Variants in NOS1AP observed in about 807,000 individuals in gnomAD.
NOS1AP encodes nitric oxide synthase 1 adaptor protein.
A neutral mutation model predicts 56.2 loss-of-function variants in NOS1AP; 21 were observed. That is an observed-to-expected ratio of 0.37 (90% confidence interval 0.26 to 0.54). The LOEUF (loss-of-function observed/expected upper bound fraction) is 0.54. Among genes scored for constraint, NOS1AP ranks in the 20% least tolerant of loss-of-function variants. The pLI is 0.84. For synonymous variants in NOS1AP, 270 were observed against 274.6 expected (o/e 0.98, Z 0.17); for missense variants, 522 against 657.8 (o/e 0.79, Z 2.26).
chr1:162,173,718 G>GA lies in NOS1AP; in HGVS notation c.177+19249dup, dbSNP rs554554240. ...ACAATGAACTCAAACAGATTTACAA[G>GA]AAAAAAACAAACAACCCCATCAACA... On this transcript the variant is annotated intron_variant, in intron 2 of 9. Coordinates refer to ENST00000361897, the MANE Select transcript of NOS1AP (RefSeq NM_014697.3). Among the ~76,000 whole-genome samples, 715 of 152,066 alleles carry GA rather than the reference G, an allele frequency of 4.7e-3. 8 individuals carry two copies. The highest frequency in any genetic ancestry group is 0.016 in the African/African-American group (671 of 41,486).
At chr1:162,086,376 G>T (rs1692003234) in intron 1 of NOS1AP, among the ~76,000 whole-genome samples, 1 of 152,078 alleles carries the variant, frequency 6.6e-6, no homozygotes, top group Admixed American at 6.5e-5. Context: ...GTGTTTCCAG[G>T]CTTTTGTTAA....
intron 2 of NOS1AP, among the ~76,000 whole-genome samples, chr1:162,277,656 T>C (rs1348873352): frequency 6.6e-6 from 1 of 152,200 alleles, no homozygotes; most frequent in Non-Finnish European, 1.5e-5. Flanking sequence ...CAGTCCCACA[T>C]GAATGGCTGT....
At chr1:162,243,042 C>G (rs1261223122) in intron 2 of NOS1AP, among the ~76,000 whole-genome samples, 1 of 152,122 alleles carries the variant, frequency 6.6e-6, no homozygotes, top group African/African-American at 2.4e-5. Flanking sequence ...CCTGATTAAA[C>G]AAGGAGTTAT....
In NOS1AP at chr1:162,369,703, G is replaced by A. The variant is rs1647318986; in HGVS notation, c.*2236G>A. On this transcript the variant is annotated 3_prime_UTR_variant, in exon 10 of 10. Transcript: ENST00000361897. ...GGACCCATCCAAGACTCCTGCCCTT[G>A]GGGTGTTCCATGGTGGTTTCTTCCT... is the stretch of plus-strand genomic sequence containing the variant. 6.6e-6 allele frequency: 1 copy of A among 152,314 alleles called. No homozygotes were observed. The highest frequency in any genetic ancestry group is 2.4e-5 in the African/African-American group (1 of 41,456). 9.4% of individuals were successfully genotyped at this position (152,314 alleles called of 1,614,324 possible).
intron 2 of NOS1AP, among the ~76,000 whole-genome samples, chr1:162,269,118 T>C (rs1654511208): frequency 6.6e-6 from 1 of 152,196 alleles, no homozygotes; most frequent in South Asian, 2.1e-4. Context: ...AGCTGTGCTA[T>C]TGCATTTCTT....
Position 162,240,885 on chromosome 1 carries a change from G to C in NOS1AP, c.178-46459G>C, listed in dbSNP as rs568036804. On this transcript the variant is annotated intron_variant, in intron 2 of 9. Transcript: ENST00000361897. ...TGATGGCGGGATACAGACGTGTCAA[G>C]GGATGGTCACAGTGGAGTAGGATAA... Among the ~76,000 whole-genome samples the C allele has an allele frequency of 3.9e-5, 6 of 152,330 alleles. No individual in the cohort carries two copies. The South Asian group carries it at 1.2e-3, about 32-fold the overall frequency.
intron 1 of NOS1AP, among the ~76,000 whole-genome samples, chr1:162,102,866 T>G (rs1236484012): frequency 6.6e-6 from 1 of 152,112 alleles, no homozygotes; most frequent in African/African-American, 2.4e-5. Flanking sequence ...ATTTTATTAA[T>G]TTTTTCAAAA....
At chr1:162,072,806 C>G (rs895612458) in intron 1 of NOS1AP, among the ~76,000 whole-genome samples, 3 of 152,248 alleles carry the variant, frequency 2.0e-5, no homozygotes, top group African/African-American at 7.2e-5. Context: ...CCCTGCAGAG[C>G]AGTGTCTATG....
chr1:162,366,888 G>T, intron 9 of NOS1AP, 164 bp from the exon 10 acceptor site: 2 of 770,582 alleles, frequency 2.6e-6, no homozygotes, highest in Non-Finnish European at 4.6e-6. Flanking sequence ...GCTATGTGGG[G>T]GCGGGAGGAA....
chr1:162,346,739 A>T (rs1657307695), intron 6 of NOS1AP, among the ~76,000 whole-genome samples: 1 of 152,226 alleles, frequency 6.6e-6, no homozygotes, highest in Non-Finnish European at 1.5e-5. Flanking sequence ...CATTATTTTC[A>T]TCCTAGTGCT....
intron 1 of NOS1AP, among the ~76,000 whole-genome samples, chr1:162,089,286 C>G (rs1419733653): frequency 6.6e-6 from 1 of 152,172 alleles, no homozygotes; most frequent in Non-Finnish European, 1.5e-5. Context: ...ACTGAGAATT[C>G]TGGTTTTCAA....
chr1:162,148,238 G>C (rs1649564245), intron 1 of NOS1AP, among the ~76,000 whole-genome samples: 1 of 152,230 alleles, frequency 6.6e-6, no homozygotes, highest in Non-Finnish European at 1.5e-5. Flanking sequence ...GGCACTTGGG[G>C]TGAATCTGTG....
intron 2 of NOS1AP, among the ~76,000 whole-genome samples, chr1:162,199,248 A>G (rs1192251540): frequency 6.6e-6 from 1 of 152,162 alleles, no homozygotes; most frequent in South Asian, 2.1e-4. Flanking sequence ...CTTTGATGGA[A>G]TCTCGCATAG....
chr1:162,202,376 A>T (rs138023702), intron 2 of NOS1AP, among the ~76,000 whole-genome samples: 3 of 152,260 alleles, frequency 2.0e-5, no homozygotes, highest in Admixed American at 2.0e-4. Context: ...GTATTTTTGT[A>T]TATTTTATTT....
intron 2 of NOS1AP, among the ~76,000 whole-genome samples, chr1:162,165,635 A>G (rs954761581): frequency 1.4e-4 from 22 of 151,996 alleles, no homozygotes; most frequent in African/African-American, 5.3e-4. Flanking sequence ...CCAAGGCAAG[A>G]CTCCAGTCTG....
chr1:162,133,801 T>C (rs1408956841), intron 1 of NOS1AP, among the ~76,000 whole-genome samples: 1 of 149,160 alleles, frequency 6.7e-6, no homozygotes, highest in Non-Finnish European at 1.5e-5. Context: ...TTAATTGCAG[T>C]GTGGTTAATT....
intron 1 of NOS1AP, among the ~76,000 whole-genome samples, chr1:162,144,776 C>A (rs1007770288): frequency 2.6e-5 from 4 of 152,190 alleles, no homozygotes; most frequent in African/African-American, 7.2e-5. Flanking sequence ...AGAACAGTTT[C>A]TCTGTCTTCC....
At chr1:162,260,735 T>A (rs1654181679) in intron 2 of NOS1AP, among the ~76,000 whole-genome samples, 1 of 152,192 alleles carries the variant, frequency 6.6e-6, no homozygotes, top group African/African-American at 2.4e-5. Flanking sequence ...CAGAACTGCA[T>A]CTAGATCTTG....
At chr1:162,321,717 A>AT (rs1435482846) in intron 4 of NOS1AP, among the ~76,000 whole-genome samples, 134 of 102,834 alleles carry the variant, frequency 1.3e-3, no homozygotes, top group African/African-American at 5.1e-3. Flanking sequence ...TTAAAGTATA[A>AT]TTAAAAAAAA....
Sources: gnomAD v4.1 joint callset for allele counts (sites outside exome capture counted in the v4.1 genomes callset) on GRCh38, gnomAD v4.1.1 for gene constraint, MANE v1.5 for transcripts, NCBI Gene and HGNC (gene_info 2026-07-23, HGNC 2026-07-21) for gene names.